DAGLA: variants seen among roughly 807,000 people sequenced by gnomAD.
The protein encoded by DAGLA is diacylglycerol lipase-alpha.
Under a neutral mutation model 102.6 loss-of-function variants are expected in DAGLA, and 22 were observed. That is an observed-to-expected ratio of 0.21 (90% CI 0.15 to 0.31). DAGLA has a LOEUF of 0.31. Ranked by LOEUF, DAGLA falls within the 10% of genes least tolerant of loss-of-function variation. The probability of loss-of-function intolerance (pLI) is 1.00; values close to 1 mark genes in which losing one functional copy is unlikely to be tolerated. For missense variants in DAGLA, 927 were observed against 1,446.6 expected, an observed-to-expected ratio of 0.64 and a Z score of 5.83; for synonymous variants, 578 against 628.9, an observed-to-expected ratio of 0.92 and a Z score of 1.21.
At chr11:61,688,411 A>G (rs979664783) in intron 1 of DAGLA, among the ~76,000 whole-genome samples, 3 of 151,878 alleles carry the variant, frequency 2.0e-5, no homozygotes, top group African/African-American at 7.3e-5. Context: ...ACATAAACCC[A>G]AGCCAAGGCA....
At chr11:61,711,545 G>A (rs941773750) in intron 1 of DAGLA, among the ~76,000 whole-genome samples, 2 of 152,256 alleles carry the variant, frequency 1.3e-5, no homozygotes, top group Non-Finnish European at 1.5e-5. Context: ...CAGCCTGGTC[G>A]CCAGGGAAGG....
intron 1 of DAGLA, among the ~76,000 whole-genome samples, chr11:61,709,339 G>A (rs1402774884): frequency 6.6e-6 from 1 of 152,208 alleles, no homozygotes; most frequent in Non-Finnish European, 1.5e-5. Flanking sequence ...CCACCTCCCG[G>A]TTCAAGCAAT....
At chr11:61,735,041 G>A in intron 10 of DAGLA, 39 bp downstream of exon 10, 3 of 1,601,176 alleles carry the variant, frequency 1.9e-6, no homozygotes, top group South Asian at 2.2e-5. Context: ...GTCAGGAGCA[G>A]GCAGCTGAGG....
At position 61,704,121 on chromosome 11, in the gene DAGLA, C is replaced by CTT. The variant is rs59450113; in HGVS notation, c.-44-15976_-44-15975dup. ...TCAAACAAAGTAGGTCAGAGAATTTCTTTTTTTTTTTTTTTTGAGATGGAG... is the reference window on the plus strand; with the variant it reads ...TCAAACAAAGTAGGTCAGAGAATTTCTTTTTTTTTTTTTTTTTTGAGATGGAG... On this transcript the variant is annotated intron_variant, in intron 1 of 19. Transcript: ENST00000257215. Among the ~76,000 whole-genome samples the CTT allele has an allele frequency of 2.9e-3, 268 of 91,922 alleles. 2 individuals carry two copies. The highest frequency in any genetic ancestry group is 0.027 in the East Asian group (100 of 3,638). The allele number at this position is 91,922 out of a possible 152,430, so 60.3% of individuals were successfully genotyped here.
At chr11:61,690,841 C>G (rs1226126598) in intron 1 of DAGLA, among the ~76,000 whole-genome samples, 1 of 152,194 alleles carries the variant, frequency 6.6e-6, no homozygotes. Flanking sequence ...AAGGCCAGGC[C>G]CCGCTCCCAG....
intron 8 of DAGLA, among the ~76,000 whole-genome samples, chr11:61,730,417 C>G (rs896233860): frequency 7.9e-5 from 12 of 152,198 alleles, no homozygotes; most frequent in African/African-American, 2.7e-4. Flanking sequence ...CCTCTCCACT[C>G]TCGTTCCTGA....
At chr11:61,741,906 C>T (rs577011493) in intron 19 of DAGLA, among the ~76,000 whole-genome samples, 133 of 152,350 alleles carry the variant, frequency 8.7e-4, no homozygotes, top group Non-Finnish European at 1.4e-3. Context: ...ACCACCATGG[C>T]CGGCCTGCAC....
chr11:61,729,744 G>C (rs2065359034), intron 8 of DAGLA, among the ~76,000 whole-genome samples: 1 of 152,190 alleles, frequency 6.6e-6, no homozygotes, highest in African/African-American at 2.4e-5. Context: ...GTGCCAGCCA[G>C]GATGCTGATG....
intron 1 of DAGLA, among the ~76,000 whole-genome samples, chr11:61,717,827 G>A (rs2065248624): frequency 6.6e-6 from 1 of 152,204 alleles, no homozygotes; most frequent in South Asian, 2.1e-4. Context: ...TCACCCTGAG[G>A]TGGGGGCAGT....
At chr11:61,696,989 T>C (rs1227390552) in intron 1 of DAGLA, among the ~76,000 whole-genome samples, 1 of 151,910 alleles carries the variant, frequency 6.6e-6, no homozygotes, top group African/African-American at 2.4e-5. Context: ...ATGACCTCCC[T>C]GGGATGGCAT....
In DAGLA at chr11:61,723,417, C is replaced by G. The variant is rs1288246508; in HGVS notation, c.410-17C>G. 1 of 1,608,512 alleles carries G rather than the reference C, an allele frequency of 6.2e-7. No individual in the cohort carries two copies. Among genetic ancestry groups the G allele is most frequent in the Non-Finnish European group, 8.5e-7 (1 of 1,175,300 alleles). On this transcript the variant is annotated splice_polypyrimidine_tract_variant and intron_variant, in intron 4 of 19. Transcript: ENST00000257215. ...TCCCCAGCGCCCCTACCTAATGCCT[C>G]CCACTGCTGCCCGCAGGAATGGTTG...
At chr11:61,739,750 T>G in intron 17 of DAGLA, 89 bp downstream of exon 17, 8 of 1,356,658 alleles carry the variant, frequency 5.9e-6, no homozygotes, top group Non-Finnish European at 8.0e-6. Context: ...CAATCACCGC[T>G]CGGGGCTGGG....
chr11:61,728,372 G>A lies in DAGLA; in HGVS notation c.771+85G>A, dbSNP rs2065347835. On this transcript the variant is annotated intron_variant, in intron 7 of 19. Coordinates refer to ENST00000257215, the MANE Select transcript of DAGLA (RefSeq NM_006133.3). ...CTTCCCTGTGGCCCCTGCAGCGGAG[G>A]GCTCGGCTCCCACGCAGCTCCCCAG... 7.1e-6 allele frequency: 11 copies of A among 1,543,198 alleles called. No homozygotes were observed. In the South Asian group the frequency reaches 1.2e-4, roughly 16 times the overall value.
chr11:61,730,909 G>C (rs2135593989), intron 8 of DAGLA, among the ~76,000 whole-genome samples: 1 of 152,344 alleles, frequency 6.6e-6, no homozygotes, highest in Middle Eastern at 3.4e-3. Flanking sequence ...GGAGGGCTGG[G>C]GCCTCTCAGG....
intron 1 of DAGLA, among the ~76,000 whole-genome samples, chr11:61,705,831 T>G (rs1204424735): frequency 6.6e-6 from 1 of 152,212 alleles, no homozygotes; most frequent in Admixed American, 6.5e-5. Context: ...CAGGGCTGTT[T>G]CCAGCCTTTT....
intron 1 of DAGLA, among the ~76,000 whole-genome samples, chr11:61,681,127 G>C (rs995798982): frequency 3.3e-5 from 5 of 152,178 alleles, no homozygotes; most frequent in Non-Finnish European, 4.4e-5. Flanking sequence ...CCATCCTGAT[G>C]AATGGGAAGG....
intron 1 of DAGLA, among the ~76,000 whole-genome samples, chr11:61,710,485 C>G (rs1335283968): frequency 1.3e-5 from 2 of 152,128 alleles, no homozygotes. Context: ...TTGGAGTGTT[C>G]TAGAGTCTTG....
chr11:61,731,234 C>A, intron 8 of DAGLA, 83 bp from the exon 9 acceptor site: 1 of 1,561,438 alleles, frequency 6.4e-7, no homozygotes. Context: ...GGTCCGCAGG[C>A]TCCCACCCTG....
chr11:61,703,101 G>T (rs746780165), intron 1 of DAGLA, among the ~76,000 whole-genome samples: 13 of 152,118 alleles, frequency 8.5e-5, no homozygotes, highest in Non-Finnish European at 1.8e-4. Flanking sequence ...ACGTTCTCCT[G>T]TTTCTGTCCT....
Sources: gnomAD v4.1 joint callset for allele counts (sites outside exome capture counted in the v4.1 genomes callset) on GRCh38, gnomAD v4.1.1 for gene constraint, MANE v1.5 for transcripts, NCBI Gene and HGNC (gene_info 2026-07-23, HGNC 2026-07-21) for gene names.